Variants in MYO3B observed in about 807,000 individuals in gnomAD.
The protein encoded by MYO3B is myosin-IIIb.
A neutral mutation model predicts 174.6 loss-of-function variants in MYO3B; 156 were observed. That is an observed-to-expected ratio of 0.89 (90% CI 0.78 to 1.02). The LOEUF is 1.02. Among genes scored for constraint, MYO3B ranks in the 50% least tolerant of loss-of-function variants. The pLI, the probability that MYO3B is intolerant of heterozygous loss-of-function variation, is 0.00. For synonymous variants in MYO3B, 563 were observed against 569.1 expected, an observed-to-expected ratio of 0.99 and a Z score of 0.15; for missense variants, 1,632 against 1,639.4, an observed-to-expected ratio of 1.00 and a Z score of 0.08.
chr2:170,519,639 A>G (rs1688539510), intron 30 of MYO3B, 99 bp downstream of exon 30: 2 of 1,055,010 alleles, frequency 1.9e-6, no homozygotes, highest in Non-Finnish European at 2.8e-6. Flanking sequence ...TATTTCTACC[A>G]CTATGGTATT....
In MYO3B at chr2:170,654,548, T is replaced by A. The variant is rs1325001642; in HGVS notation, c.*1427T>A. 1 of 148,884 alleles carries A rather than the reference T, an allele frequency of 6.7e-6. No homozygotes were observed. Among genetic ancestry groups the A allele is most frequent in the Non-Finnish European group, 1.5e-5 (1 of 67,818 alleles). The allele number at this position is 148,884 out of a possible 1,614,324, so 9.2% of individuals were successfully genotyped here. A position where few individuals can be genotyped will look rare whatever the true frequency, so the allele number is the denominator to read the frequency against. ...CTGTAATCCCAGCTACTCAGGAGGC[T>A]GACGCAGGAGAATCACTTGAACCCG... is the stretch of plus-strand genomic sequence containing the variant. On this transcript the variant is annotated 3_prime_UTR_variant, in exon 35 of 35. Transcript: ENST00000408978.
chr2:170,559,675 G>A lies in MYO3B; in HGVS notation c.3733+15687G>A, dbSNP rs73978711. Among the ~76,000 whole-genome samples, 1,357 of 152,206 alleles carry A rather than the reference G, an allele frequency of 8.9e-3. 34 individuals are homozygous for A. The highest frequency in any genetic ancestry group is 0.031 in the African/African-American group (1,279 of 41,516). On this transcript the variant is annotated intron_variant, in intron 32 of 34. Coordinates refer to ENST00000408978, the MANE Select transcript of MYO3B (RefSeq NM_138995.5). ...TCAACATAAACTGGATATTAAATGAGTCTGTAATTTTTCTCCCTACCAAGA... is the reference window on the plus strand; with the variant it reads ...TCAACATAAACTGGATATTAAATGAATCTGTAATTTTTCTCCCTACCAAGA...
rs200082163 is a variant in MYO3B, at chr2:170,442,097, C to CT, written c.2651-1862dup. Among the ~76,000 whole-genome samples the CT allele has an allele frequency of 6.7e-3, 1,013 of 151,720 alleles. 6 individuals are homozygous for CT. Among genetic ancestry groups the CT allele is most frequent in the Non-Finnish European group, 0.01 (688 of 67,882 alleles). On this transcript the variant is annotated intron_variant, in intron 22 of 34. Transcript: ENST00000408978. Reference sequence around the variant, plus strand: ...ATATTGTGGTAATTTCCTTTTATTTCTTTTTTTTGTGGACATATATTTTTA... The same window carrying CT: ...ATATTGTGGTAATTTCCTTTTATTTCTTTTTTTTTGTGGACATATATTTTTA...
chr2:170,407,217 T>A (rs2094515524), intron 21 of MYO3B, among the ~76,000 whole-genome samples: 1 of 152,058 alleles, frequency 6.6e-6, no homozygotes. Context: ...ATCCCAGCAC[T>A]TTGGGAGGCC....
chr2:170,320,994 G>A (rs893708635), intron 7 of MYO3B, among the ~76,000 whole-genome samples: 1 of 152,134 alleles, frequency 6.6e-6, no homozygotes, highest in East Asian at 1.9e-4. Flanking sequence ...ATGCTGAGGC[G>A]GTAAGATCAC....
chr2:170,642,190 A>C (rs374644371), intron 32 of MYO3B, among the ~76,000 whole-genome samples: 186 of 143,992 alleles, frequency 1.3e-3, no homozygotes, highest in Middle Eastern at 0.01. Flanking sequence ...GTATTCACTC[A>C]TTCACTCATT....
At chr2:170,307,130 C>T (rs990206890) in intron 7 of MYO3B, among the ~76,000 whole-genome samples, 1 of 150,194 alleles carries the variant, frequency 6.7e-6, no homozygotes, top group African/African-American at 2.4e-5. Context: ...GCAGTCCTAA[C>T]TACTTTGGAG....
chr2:170,333,360 A>T lies in MYO3B; in HGVS notation c.750-2025A>T, dbSNP rs565341667. ...TATGTTGTTGAATGGAGTGAATGAG[A>T]TAAAGAGGCAGCCTCCTCCTTTGTC... On this transcript the variant is annotated intron_variant, in intron 7 of 34. Transcript: ENST00000408978. Among the ~76,000 whole-genome samples, 6 of 152,288 alleles carry T rather than the reference A, an allele frequency of 3.9e-5. No homozygotes were observed. The East Asian group carries it at 9.6e-4, about 24-fold the overall frequency.
intron 32 of MYO3B, among the ~76,000 whole-genome samples, chr2:170,592,913 G>C (rs1015808117): frequency 6.6e-6 from 1 of 151,686 alleles, no homozygotes; most frequent in African/African-American, 2.4e-5. Flanking sequence ...TTATGAGATA[G>C]ATATATATAG....
chr2:170,646,516 T>A (rs1698391127), intron 32 of MYO3B, among the ~76,000 whole-genome samples: 1 of 151,838 alleles, frequency 6.6e-6, no homozygotes, highest in Non-Finnish European at 1.5e-5. Flanking sequence ...TTTCTCAGCC[T>A]CCGGAGTAGT....
chr2:170,333,470 A>C (rs1005010148), intron 7 of MYO3B, among the ~76,000 whole-genome samples: 10 of 152,224 alleles, frequency 6.6e-5, no homozygotes, highest in African/African-American at 2.4e-4. Context: ...TTGAATTATA[A>C]GATATGAAGG....
At chr2:170,283,316 C>T (rs755870074) in intron 7 of MYO3B, among the ~76,000 whole-genome samples, 4 of 152,292 alleles carry the variant, frequency 2.6e-5, no homozygotes, top group Non-Finnish European at 5.9e-5. Flanking sequence ...TGCTGGGGAA[C>T]CTATCAAGGC....
intron 30 of MYO3B, among the ~76,000 whole-genome samples, chr2:170,534,742 C>T (rs966372304): frequency 6.6e-5 from 10 of 152,152 alleles, no homozygotes; most frequent in African/African-American, 2.4e-4. Context: ...CACCCAGCCT[C>T]AGTGTCCTGT....
chr2:170,422,478 A>C (rs1274957856), intron 22 of MYO3B, among the ~76,000 whole-genome samples: 1 of 131,356 alleles, frequency 7.6e-6, no homozygotes, highest in Non-Finnish European at 1.6e-5. Context: ...TTTTTTTTTG[A>C]GATGGAGTCT....
chr2:170,215,516 T>C (rs2092818237), intron 5 of MYO3B, among the ~76,000 whole-genome samples: 1 of 152,184 alleles, frequency 6.6e-6, no homozygotes, highest in Non-Finnish European at 1.5e-5. Context: ...TTCAGAGTCA[T>C]TGTTACAAAT....
chr2:170,183,739 T>G (rs188225993), intron 1 of MYO3B, among the ~76,000 whole-genome samples: 42 of 152,284 alleles, frequency 2.8e-4, no homozygotes, highest in Non-Finnish European at 4.9e-4. Flanking sequence ...TTGTGAGAGA[T>G]ACTTGTCTTT....
intron 7 of MYO3B, among the ~76,000 whole-genome samples, chr2:170,331,520 G>A (rs772303401): frequency 3.9e-5 from 6 of 152,052 alleles, no homozygotes; most frequent in African/African-American, 9.7e-5. Flanking sequence ...TACTTGATTG[G>A]TGTATTAGTT....
At chr2:170,562,439 G>C (rs938569607) in intron 32 of MYO3B, among the ~76,000 whole-genome samples, 6 of 151,978 alleles carry the variant, frequency 3.9e-5, no homozygotes, top group Non-Finnish European at 7.4e-5. Context: ...GTAGAATTTA[G>C]AGAAGAATTA....
At chr2:170,378,405 T>C (rs1048878684) in intron 9 of MYO3B, among the ~76,000 whole-genome samples, 1 of 152,332 alleles carries the variant, frequency 6.6e-6, no homozygotes, top group South Asian at 2.1e-4. Context: ...CACTTCTAGA[T>C]TGCCTACTTC....
Sources: gnomAD v4.1 joint callset for allele counts (sites outside exome capture counted in the v4.1 genomes callset) on GRCh38, gnomAD v4.1.1 for gene constraint, MANE v1.5 for transcripts, NCBI Gene and HGNC (gene_info 2026-07-23, HGNC 2026-07-21) for gene names.